EBI3: variants seen among roughly 807,000 people sequenced by gnomAD.
The protein encoded by EBI3 is Epstein-Barr virus induced 3.
A neutral mutation model predicts 21.3 loss-of-function variants in EBI3; 19 were observed. The ratio of observed to expected loss-of-function variants is 0.89; its 90% CI spans 0.62 to 1.31. EBI3 has a LOEUF of 1.31. Among genes scored for constraint, EBI3 ranks in the 50% most tolerant of loss-of-function variants. EBI3 has a pLI of 0.00. For synonymous variants in EBI3, 154 were observed against 131.2 expected (o/e 1.17, Z -1.19); for missense variants, 331 against 314.0 (o/e 1.05, Z -0.41).
chr19:4,233,035 G>A (rs1341877153), intron 2 of EBI3, 94 bp from the exon 3 acceptor site: 2 of 1,363,692 alleles, frequency 1.5e-6, no homozygotes, highest in African/African-American at 1.5e-5. Context: ...TCCTGTTCCT[G>A]CCTCTCCTTG....
Position 4,230,858 on chromosome 19 carries a change from C to CA in EBI3, c.68-332dup, listed in dbSNP as rs538928557. On this transcript the variant is annotated intron_variant, in intron 1 of 4. Coordinates refer to ENST00000221847, the MANE Select transcript of EBI3 (RefSeq NM_005755.3). The stretch of plus-strand genomic sequence containing the variant: ...CGCCACTGCACTCCAGCCTAGGCGA[C>CA]AGAGGGAGACTCCCTCTTTAAAAAA... Among the ~76,000 whole-genome samples the CA allele has an allele frequency of 2.9e-3, 446 of 151,796 alleles. 2 individuals are homozygous for CA. The highest frequency in any genetic ancestry group is 8.0e-3 in the Admixed American group (122 of 15,238).
Position 4,233,146 on chromosome 19 carries a change from G to C in EBI3, c.218G>C (p.Arg73Pro). 2 of 1,596,978 alleles carry C rather than the reference G, an allele frequency of 1.3e-6. No homozygotes were observed. Among genetic ancestry groups the C allele is most frequent in the South Asian group, 2.2e-5 (2 of 90,142 alleles). ...CTGTGCAGGCTCGGCATGGCTGCCC[G>C]GGGCCACAGCTGGCCCTGCCTGCAG... is the stretch of plus-strand genomic sequence containing the variant. ...IATYRLGMAA[R>P]GHSWPCLQQT... The change falls in exon 3 of 5, where the codon CGG becomes CCG. Residue 73 changes from arginine (R) to proline (P), a missense_variant. By Grantham distance (103) the Arg-to-Pro change is moderately radical. Coordinates refer to ENST00000221847, the MANE Select transcript of EBI3 (RefSeq NM_005755.3).
At chr19:4,234,931 G>T in intron 4 of EBI3, 107 bp downstream of exon 4, 1 of 1,490,980 alleles carries the variant, frequency 6.7e-7, no homozygotes, top group South Asian at 1.3e-5. Context: ...TTGCGATTCC[G>T]GGTGCATTGA....
chr19:4,231,401 G>A, intron 2 of EBI3, 78 bp downstream of exon 2: 1 of 1,466,184 alleles, frequency 6.8e-7, no homozygotes, highest in East Asian at 2.5e-5. Flanking sequence ...AGAGCCCTGG[G>A]GTCAGGAAAA....
At position 4,236,417 on chromosome 19, in the gene EBI3, G is replaced by A. The variant is rs76540491; in HGVS notation, c.538-519G>A. On this transcript the variant is annotated intron_variant, in intron 4 of 4. Coordinates refer to ENST00000221847, the MANE Select transcript of EBI3 (RefSeq NM_005755.3). Reference sequence around the variant, plus strand: ...GGCGCCTGTAATCCCAGCTATCTGGGAGGCTGACGTGAGAGGATGGTTTGA... The same window carrying A: ...GGCGCCTGTAATCCCAGCTATCTGGAAGGCTGACGTGAGAGGATGGTTTGA... Among the ~76,000 whole-genome samples the A allele has an allele frequency of 1.2e-4, 18 of 149,368 alleles. No homozygotes were observed. The East Asian group carries it at 2.6e-3, about 21-fold the overall frequency.
intron 2 of EBI3, among the ~76,000 whole-genome samples, chr19:4,232,543 C>CG (rs781154971): frequency 1.3e-5 from 1 of 75,372 alleles, no homozygotes; most frequent in South Asian, 7.1e-4. Flanking sequence ...CATACTGAGA[C>CG]CCCCCCCCAT....
At position 4,231,307 on chromosome 19, in the gene EBI3, T is replaced by G. The variant is rs947311534; in HGVS notation, c.184T>G (p.Phe62Val). Reference protein sequence around the residue: ...PAPNSTSPVSFIATYRLGMAA... With the variant: ...PAPNSTSPVSVIATYRLGMAA... ...TCCAAACTCCACCAGCCCCGTGTCC[T>G]TCATTGCCACGTACAGGTCGGAGAG... The change falls in exon 2 of 5, where the codon TTC becomes GTC. Residue 62 changes from phenylalanine (F) to valine (V), a missense_variant. Physicochemically the swap from Phe to Val is conservative, Grantham distance 50. Coordinates refer to ENST00000221847, the MANE Select transcript of EBI3 (RefSeq NM_005755.3). 2 of 1,611,472 alleles carry G rather than the reference T, an allele frequency of 1.2e-6. No homozygotes were observed. The highest frequency in any genetic ancestry group is 1.7e-4 in the Middle Eastern group (1 of 6,026).
Position 4,236,138 on chromosome 19 carries a change from G to C in EBI3, c.538-798G>C, listed in dbSNP as rs374769567. Among the ~76,000 whole-genome samples, 18 of 152,040 alleles carry C rather than the reference G, an allele frequency of 1.2e-4. No individual in the cohort carries two copies. The South Asian group carries it at 3.7e-3, about 32-fold the overall frequency. ...TGGGAGGCTGAGGCAGGCAGATCAC[G>C]AGGTCAGGAATTCGAGAACAGCCTG... is the stretch of plus-strand genomic sequence containing the variant. On this transcript the variant is annotated intron_variant, in intron 4 of 4. Coordinates refer to ENST00000221847, the MANE Select transcript of EBI3 (RefSeq NM_005755.3).
chr19:4,229,678 C>A, intron 1 of EBI3, 61 bp downstream of exon 1: 1 of 1,512,382 alleles, frequency 6.6e-7, no homozygotes, highest in East Asian at 2.4e-5. Flanking sequence ...CGAGGACTGG[C>A]CTCGGATCAT....
At chr19:4,230,190 C>G (rs182513361) in intron 1 of EBI3, among the ~76,000 whole-genome samples, 49 of 152,254 alleles carry the variant, frequency 3.2e-4, no homozygotes, top group African/African-American at 1.2e-3. Flanking sequence ...TCCCAAAGTG[C>G]TGGGATGACA....
At chr19:4,232,276 A>C (rs1970792337) in intron 2 of EBI3, among the ~76,000 whole-genome samples, 1 of 146,990 alleles carries the variant, frequency 6.8e-6, no homozygotes, top group African/African-American at 2.5e-5. Flanking sequence ...GAAAAGAAAA[A>C]ATTTCGAAAA....
chr19:4,235,489 G>A lies in EBI3; in HGVS notation c.537+665G>A, dbSNP rs1033668559. Among the ~76,000 whole-genome samples, 15 of 152,134 alleles carry A rather than the reference G, an allele frequency of 9.9e-5. 1 individual carries two copies. Among genetic ancestry groups the A allele is most frequent in the Admixed American group, 5.9e-4 (9 of 15,264 alleles). Reference sequence around the variant, plus strand: ...CGCCCACCACGCCCGGCTAATTTCTGTATTTTCAGTAGAGATGGGATTTTG... The same window carrying A: ...CGCCCACCACGCCCGGCTAATTTCTATATTTTCAGTAGAGATGGGATTTTG... On this transcript the variant is annotated intron_variant, in intron 4 of 4. Transcript: ENST00000221847.
Position 4,233,200 on chromosome 19 carries a change from T to C in EBI3, c.272T>C (p.Ile91Thr). The C allele has an allele frequency of 1.2e-6, 2 of 1,612,220 alleles. No individual in the cohort carries two copies. Among genetic ancestry groups the C allele is most frequent in the Non-Finnish European group, 1.7e-6 (2 of 1,179,882 alleles). ...QQTPTSTSCT[I>T]TDVQLFSMAP... ...ACGCCAACGTCCACCAGCTGCACCA[T>C]CACGGATGTCCAGCTGTTCTCCATG... The change falls in exon 3 of 5, where the codon ATC (isoleucine) becomes ACC (threonine). Residue 91 changes from isoleucine (I) to threonine (T), a missense_variant. Transcript: ENST00000221847.
intron 2 of EBI3, among the ~76,000 whole-genome samples, chr19:4,232,748 GAATT>G (rs200392685): frequency 0.16 from 7,684 of 49,212 alleles, 685 homozygotes; most frequent in African/African-American, 0.47. Flanking sequence ...ATGAAGGGAT[GAATT>G]AATGAATGAA....
intron 3 of EBI3, among the ~76,000 whole-genome samples, chr19:4,234,016 G>A (rs186472742): frequency 9.7e-4 from 147 of 152,198 alleles, no homozygotes; most frequent in Admixed American, 2.0e-3. Context: ...ACCAGTCCTG[G>A]CCAACATGGT....
rs771281542 is a variant in EBI3 at position 4,237,038 on chromosome 19, C to T, written c.640C>T (p.Leu214=). The change falls in exon 5 of 5, where the codon CTG becomes TTG. Residue 214 remains leucine, a synonymous_variant. Coordinates refer to ENST00000221847, the MANE Select transcript of EBI3 (RefSeq NM_005755.3). ...AAQDLTDYGE[L]SDWSLPATAT... ...TCAGGACCTCACAGACTACGGGGAA[C>T]TGAGTGACTGGAGTCTCCCCGCCAC... is the stretch of plus-strand genomic sequence containing the variant. The T allele has an allele frequency of 6.4e-7, 1 of 1,572,264 alleles. No homozygotes were observed. Among genetic ancestry groups the T allele is most frequent in the East Asian group, 2.4e-5 (1 of 41,440 alleles).
rs757842557 is a variant in EBI3 at position 4,230,084 on chromosome 19, C to T, written c.67+467C>T. ...GATTACAGGTGCCCGCCACCATGCC[C>T]GGCTACTTTTTATATTTTTAGTAGA... On this transcript the variant is annotated intron_variant, in intron 1 of 4. Transcript: ENST00000221847. 1.2e-4 allele frequency among the ~76,000 whole-genome samples: 19 copies of T among 152,148 alleles called. No homozygotes were observed. The Middle Eastern group carries it at 0.01, about 82-fold the overall frequency.
chr19:4,231,260 G>C lies in EBI3; in HGVS notation c.137G>C (p.Cys46Ser), dbSNP rs1170792974. The C allele has an allele frequency of 1.9e-6, 3 of 1,613,148 alleles. No individual in the cohort carries two copies. In the Admixed American group the frequency reaches 5.0e-5, roughly 27 times the overall value. ...TCTCGGTACCCGATCGCCGTGGATT[G>C]CTCCTGGACCCTGCCGCCTGCTCCA... is the stretch of plus-strand genomic sequence containing the variant. ...RASRYPIAVD[C>S]SWTLPPAPNS... Residue 46 changes from cysteine (C) to serine (S), a missense_variant, in exon 2 of 5, where the codon TGC (cysteine) becomes TCC (serine). Coordinates refer to ENST00000221847, the MANE Select transcript of EBI3 (RefSeq NM_005755.3).
rs375997879 is a variant in EBI3 at position 4,231,835 on chromosome 19, C to T, written c.200+512C>T. ...GTGGCACATGCCTGTAATCCCAGTA[C>T]TTTGGGAGGCTGATGTGGGAGGATC... On this transcript the variant is annotated intron_variant, in intron 2 of 4. Coordinates refer to ENST00000221847, the MANE Select transcript of EBI3 (RefSeq NM_005755.3). 1.1e-4 allele frequency among the ~76,000 whole-genome samples: 16 copies of T among 151,072 alleles called. No individual in the cohort carries two copies. The East Asian group carries it at 2.2e-3, about 20-fold the overall frequency.
Sources: allele counts gnomAD v4.1 joint callset (sites outside exome capture counted in the v4.1 genomes callset), GRCh38; gene constraint gnomAD v4.1.1; transcripts MANE v1.5; gene names NCBI Gene and HGNC (gene_info 2026-07-23, HGNC 2026-07-21).